DIP2A: variants seen among roughly 807,000 people sequenced by gnomAD.
DIP2A encodes disco-interacting protein 2 homolog A.
In DIP2A, 85 loss-of-function variants were observed where a neutral mutation model predicts 177.4. The ratio of observed to expected loss-of-function variants is 0.48; its 90% CI spans 0.40 to 0.57. The LOEUF is 0.57. Ranked by LOEUF, DIP2A falls within the 20% of genes least tolerant of loss-of-function variation. The pLI is 0.00. For synonymous variants in DIP2A, 886 were observed against 881.8 expected (o/e 1.00, Z -0.08); for missense variants, 1,791 against 2,100.2 (o/e 0.85, Z 2.88).
chr21:46,484,711 T>C, intron 1 of DIP2A, 46 bp from the exon 2 acceptor site: 4 of 1,489,278 alleles, frequency 2.7e-6, no homozygotes, highest in Non-Finnish European at 2.7e-6. Context: ...TTTAAAATTT[T>C]GGAATTGTAG....
At chr21:46,559,243 TA>T (rs2060584240) in intron 32 of DIP2A, 1 of 152,300 alleles carries the variant, frequency 6.6e-6, no homozygotes, top group Non-Finnish European at 1.5e-5. Context: ...CATTTCTTTC[TA>T]AAAACATCTT....
chr21:46,510,453 A>G (rs1030444562), intron 7 of DIP2A, among the ~76,000 whole-genome samples: 2 of 152,162 alleles, frequency 1.3e-5, no homozygotes, highest in African/African-American at 4.8e-5. Flanking sequence ...AATATTAGCC[A>G]TCACACAGTG....
In DIP2A at chr21:46,547,910, T is replaced by C. The variant is rs117885811; in HGVS notation, c.2522+868T>C. On this transcript the variant is annotated intron_variant, in intron 21 of 37. Coordinates refer to ENST00000417564, the MANE Select transcript of DIP2A (RefSeq NM_015151.4). ...CTCTCGAACTCCTGGGCTCAAGCAA[T>C]CCTCCCTCCTTGGCCTCCCAAACTG... 2.0e-3 allele frequency among the ~76,000 whole-genome samples: 301 copies of C among 152,138 alleles called. 4 individuals carry two copies. Among genetic ancestry groups the C allele is most frequent in the East Asian group, 9.9e-3 (51 of 5,174 alleles).
At chr21:46,473,796 G>A (rs968892517) in intron 1 of DIP2A, among the ~76,000 whole-genome samples, 1 of 152,102 alleles carries the variant, frequency 6.6e-6, no homozygotes, top group Non-Finnish European at 1.5e-5. Context: ...AATTATAGGC[G>A]TGAACCACTG....
rs2059745650 is a variant in DIP2A at position 46,539,977 on chromosome 21, T to C, written c.2022T>C (p.Thr674=). The change falls in exon 17 of 38, where the codon ACT becomes ACC. Residue 674 remains threonine, a synonymous_variant. Transcript: ENST00000417564. ...GTGCAAGTTCTCCTGAGGCGCTGAC[T>C]GTCGCCATCCGCAGGTAACCTTATT... ...CPCASSPEAL[T]VAIRRPPDLG... is the part of the protein sequence containing the mutation. The C allele has an allele frequency of 1.9e-6, 3 of 1,613,976 alleles. No homozygotes were observed. The highest frequency in any genetic ancestry group is 2.2e-5 in the South Asian group (2 of 91,082).
At chr21:46,496,856 C>T in intron 3 of DIP2A, 132 bp from the exon 4 acceptor site, 2 of 796,820 alleles carry the variant, frequency 2.5e-6, no homozygotes. Flanking sequence ...CTAGGACCAA[C>T]ATGTGAGGAT....
chr21:46,549,500 T>A (rs566796796), intron 21 of DIP2A, among the ~76,000 whole-genome samples: 1 of 152,292 alleles, frequency 6.6e-6, no homozygotes, highest in South Asian at 2.1e-4. Context: ...TACATCAGAT[T>A]AAGGAATTTT....
chr21:46,580,927 C>CCA, the DIP2A span, among the ~76,000 whole-genome samples: 1 of 152,056 alleles, frequency 6.6e-6, no homozygotes, highest in Non-Finnish European at 1.5e-5. Flanking sequence ...TGTCTTGGGG[C>CCA]TGATCTTCTC....
At chr21:46,510,112 G>C (rs1754994159) in intron 7 of DIP2A, among the ~76,000 whole-genome samples, 1 of 152,210 alleles carries the variant, frequency 6.6e-6, no homozygotes, top group African/African-American at 2.4e-5. Context: ...ACAAGGTGAG[G>C]TCCCACAGTA....
At chr21:46,578,250 T>G in the DIP2A span, among the ~76,000 whole-genome samples, 2,543 of 152,238 alleles carry the variant, frequency 0.017, 82 homozygotes, top group African/African-American at 0.058. Flanking sequence ...AGGCGGTGGT[T>G]GCAGTGAGCC....
intron 8 of DIP2A, among the ~76,000 whole-genome samples, chr21:46,518,087 C>T (rs745597682): frequency 3.3e-5 from 5 of 152,164 alleles, no homozygotes; most frequent in African/African-American, 9.7e-5. Context: ...CATGTTATTG[C>T]GGGTAGTTGT....
rs2060881252 is a variant in DIP2A, at chr21:46,567,862, G to A, written c.*240G>A. Reference sequence around the variant, plus strand: ...ATGCTGGTATTTTAACAGATGGAGAGACAAGGAAAGGAAAGGAAAGGCCTG... The same window carrying A: ...ATGCTGGTATTTTAACAGATGGAGAAACAAGGAAAGGAAAGGAAAGGCCTG... On this transcript the variant is annotated 3_prime_UTR_variant, in exon 38 of 38. Transcript: ENST00000417564. 2.2e-6 allele frequency: 1 copy of A among 450,714 alleles called. No homozygotes were observed. The highest frequency in any genetic ancestry group is 2.0e-5 in the African/African-American group (1 of 50,140). The allele number at this position is 450,714 out of a possible 1,614,324, so 27.9% of individuals were successfully genotyped here. A position where few individuals can be genotyped will look rare whatever the true frequency, so the allele number is the denominator to read the frequency against.
At position 46,490,663 on chromosome 21, in the gene DIP2A, C is replaced by T; in HGVS notation, c.227C>T (p.Ala76Val). Residue 76 changes from alanine to valine, a missense_variant, in exon 3 of 38, where the codon GCA becomes GTA. Physicochemically the swap from Ala to Val is moderately conservative, Grantham distance 64. Coordinates refer to ENST00000417564, the MANE Select transcript of DIP2A (RefSeq NM_015151.4). ...IPGPSQTTAAAPKQQKSRPTA... is the reference protein window; with the variant it reads ...IPGPSQTTAAVPKQQKSRPTA... ...GGGCCCTCACAAACCACGGCCGCTG[C>T]ACCCAAGCAGCAGAAGTCTCGGCCC... The T allele has an allele frequency of 1.9e-6, 3 of 1,590,640 alleles. No homozygotes were observed. The highest frequency in any genetic ancestry group is 2.3e-5 in the South Asian group (2 of 87,220).
chr21:46,536,130 G>C (rs1167677724), intron 13 of DIP2A, among the ~76,000 whole-genome samples: 2 of 152,250 alleles, frequency 1.3e-5, no homozygotes, highest in Non-Finnish European at 2.9e-5. Flanking sequence ...TTAACCAACA[G>C]AGAAAGGGTG....
At chr21:46,582,669 G>T in the DIP2A span, among the ~76,000 whole-genome samples, 12 of 151,634 alleles carry the variant, frequency 7.9e-5, no homozygotes, top group Non-Finnish European at 1.6e-4. Flanking sequence ...GAGAACCTGG[G>T]TACCTCAGCT....
chr21:46,518,236 T>C (rs1056571320), intron 8 of DIP2A, among the ~76,000 whole-genome samples: 1 of 152,174 alleles, frequency 6.6e-6, no homozygotes, highest in Admixed American at 6.5e-5. Context: ...TGCCACGTGG[T>C]AGCTAAGCAT....
rs149544451 is a variant in DIP2A at position 46,538,637 on chromosome 21, A to G, written c.1921+35A>G. The G allele has an allele frequency of 1.2e-4, 182 of 1,542,006 alleles. No individual in the cohort carries two copies. The African/African-American group carries it at 1.8e-3, about 15-fold the overall frequency. On this transcript the variant is annotated intron_variant, in intron 16 of 37. Transcript: ENST00000417564. ...CCTGTGTGCCCGGCGCATACCCCAC[A>G]CAGTGTCCCCTCCTGCAAACCAAAG...
At chr21:46,469,997 T>C (rs1035865225) in intron 1 of DIP2A, among the ~76,000 whole-genome samples, 5 of 152,268 alleles carry the variant, frequency 3.3e-5, no homozygotes, top group African/African-American at 1.2e-4. Flanking sequence ...ATATTTAATC[T>C]TTTAATGTAT....
At chr21:46,519,131 G>A (rs2058710055) in intron 8 of DIP2A, among the ~76,000 whole-genome samples, 1 of 152,164 alleles carries the variant, frequency 6.6e-6, no homozygotes, top group Non-Finnish European at 1.5e-5. Flanking sequence ...TGGCACTGGT[G>A]GGAGTGTCTT....
Sources: gnomAD v4.1 joint callset for allele counts (sites outside exome capture counted in the v4.1 genomes callset) on GRCh38, gnomAD v4.1.1 for gene constraint, MANE v1.5 for transcripts, NCBI Gene and HGNC (gene_info 2026-07-23, HGNC 2026-07-21) for gene names.